Variants in SAMD12 observed in about 807,000 individuals in gnomAD.
The protein encoded by SAMD12 is sterile alpha motif domain-containing protein 12.
SAMD12 carries 9 observed loss-of-function variants against 15.0 expected under a neutral mutation model. The ratio of observed to expected loss-of-function variants is 0.60; its 90% CI spans 0.36 to 1.05. SAMD12 has a LOEUF of 1.05. SAMD12 is among the 50% of genes least tolerant of loss of function. The pLI, the probability that SAMD12 is intolerant of heterozygous loss-of-function variation, is 0.01. For missense variants in SAMD12, 230 were observed against 234.2 expected (o/e 0.98, Z 0.12); for synonymous variants, 86 against 90.1 (o/e 0.96, Z 0.25).
At chr8:118,392,036 T>C (rs1308670476) in intron 3 of SAMD12, among the ~76,000 whole-genome samples, 2 of 152,162 alleles carry the variant, frequency 1.3e-5, no homozygotes, top group Non-Finnish European at 2.9e-5. Flanking sequence ...ATAATTTACC[T>C]GTCTAGGATT....
Position 118,578,880 on chromosome 8 carries a change from G to T in SAMD12, c.192+1835C>A, listed in dbSNP as rs183918038. 3.3e-5 allele frequency among the ~76,000 whole-genome samples: 5 copies of T among 152,290 alleles called. No individual in the cohort carries two copies. In the East Asian group the frequency reaches 9.6e-4, roughly 29 times the overall value. On this transcript the variant is annotated intron_variant, in intron 2 of 3. Transcript: ENST00000314727. ...GAATCTCCTTTCAACCTCATTTGTTGGGGATGGGTGTTCACTGTAGATGAT... is the reference window on the plus strand; with the variant it reads ...GAATCTCCTTTCAACCTCATTTGTTTGGGATGGGTGTTCACTGTAGATGAT...
At chr8:118,263,660 G>A (rs1273679673) in intron 4 of SAMD12, among the ~76,000 whole-genome samples, 5 of 152,062 alleles carry the variant, frequency 3.3e-5, no homozygotes, top group Admixed American at 1.3e-4. Context: ...GGTGAAGGCC[G>A]AGCAATTACA....
At chr8:118,432,397 G>A (rs975421944) in intron 3 of SAMD12, among the ~76,000 whole-genome samples, 1 of 152,154 alleles carries the variant, frequency 6.6e-6, no homozygotes, top group African/African-American at 2.4e-5. Flanking sequence ...TAGTCCACTA[G>A]AACAAAGGAA....
chr8:118,293,513 T>G lies in SAMD12; in HGVS notation c.433+86047A>C, dbSNP rs538109732. The stretch of plus-strand genomic sequence containing the variant: ...AAACAGAAACATACAGAAGTCAATT[T>G]ATATTTGGTTTAAAAATACATGGTT... On this transcript the variant is annotated intron_variant, in intron 4 of 4. Transcript: ENST00000409003. Among the ~76,000 whole-genome samples, 5 of 152,368 alleles carry G rather than the reference T, an allele frequency of 3.3e-5. No homozygotes were observed. In the South Asian group the frequency reaches 1.0e-3, roughly 32 times the overall value.
At chr8:118,487,078 A>G (rs1824311522) in intron 2 of SAMD12, among the ~76,000 whole-genome samples, 1 of 152,150 alleles carries the variant, frequency 6.6e-6, no homozygotes, top group Non-Finnish European at 1.5e-5. Flanking sequence ...AGTAGGGCAA[A>G]GACGGGTGCA....
chr8:118,185,217 C>T (rs867948609), downstream of SAMD12, among the ~76,000 whole-genome samples: 4 of 152,174 alleles, frequency 2.6e-5, no homozygotes, highest in Middle Eastern at 3.4e-3. Flanking sequence ...TAATTATGCA[C>T]TTATTTTATT....
At chr8:118,242,073 AT>A (rs2129972666) in intron 4 of SAMD12, among the ~76,000 whole-genome samples, 1 of 152,150 alleles carries the variant, frequency 6.6e-6, no homozygotes, top group East Asian at 1.9e-4. Context: ...CCACCAAACC[AT>A]GGCTAACTTC....
chr8:118,191,809 TATAGAG>T (rs1563686639), exon 5 of SAMD12: 1 of 11,916 alleles, frequency 8.4e-5, no homozygotes, highest in African/African-American at 2.2e-4. Context: ...TATATATATA[TATAGAG>T]AGAGAGAGAG....
chr8:118,514,376 G>T (rs1004951181), intron 2 of SAMD12, among the ~76,000 whole-genome samples: 1 of 152,094 alleles, frequency 6.6e-6, no homozygotes, highest in Non-Finnish European at 1.5e-5. Flanking sequence ...TCTGGAGAAG[G>T]CCAAAAGGGG....
intron 4 of SAMD12, among the ~76,000 whole-genome samples, chr8:118,276,178 G>C (rs1412436018): frequency 1.3e-5 from 2 of 152,104 alleles, no homozygotes; most frequent in African/African-American, 4.8e-5. Context: ...CTTCTTCCTT[G>C]CATTGTTCTA....
intron 4 of SAMD12, among the ~76,000 whole-genome samples, chr8:118,318,535 C>A (rs1319134868): frequency 6.6e-6 from 1 of 151,470 alleles, no homozygotes; most frequent in South Asian, 2.1e-4. Context: ...CAGAAGCATA[C>A]AGAATGATAT....
intron 4 of SAMD12, among the ~76,000 whole-genome samples, chr8:118,283,754 G>A (rs1242463129): frequency 2.0e-5 from 3 of 152,098 alleles, no homozygotes; most frequent in Non-Finnish European, 4.4e-5. Context: ...AAACAGAATG[G>A]GCAAAGACTT....
chr8:118,611,496 G>A (rs759129421), intron 1 of SAMD12, among the ~76,000 whole-genome samples: 45 of 152,184 alleles, frequency 3.0e-4, no homozygotes, highest in Non-Finnish European at 5.4e-4. Flanking sequence ...CCCTGTCCCC[G>A]TCCCCATTTA....
At chr8:118,322,965 T>G (rs1055015908) in intron 4 of SAMD12, among the ~76,000 whole-genome samples, 1 of 152,182 alleles carries the variant, frequency 6.6e-6, no homozygotes, top group Non-Finnish European at 1.5e-5. Flanking sequence ...AATTCGAAAC[T>G]TCCCTTGAAG....
chr8:118,165,777 T>C, the SAMD12 span, among the ~76,000 whole-genome samples: 2 of 151,700 alleles, frequency 1.3e-5, no homozygotes. Context: ...GTTCACAAAA[T>C]GTTCTCTTCA....
chr8:118,382,134 A>G (rs947205540), intron 3 of SAMD12, among the ~76,000 whole-genome samples: 1 of 152,200 alleles, frequency 6.6e-6, no homozygotes, highest in Non-Finnish European at 1.5e-5. Context: ...ATCTTTATAC[A>G]TGTCATAAAC....
chr8:118,529,225 C>T (rs556755187), intron 2 of SAMD12, among the ~76,000 whole-genome samples: 4 of 152,324 alleles, frequency 2.6e-5, no homozygotes, highest in African/African-American at 9.6e-5. Flanking sequence ...TCAGAGGCCT[C>T]AGCTGCGTTT....
At chr8:118,154,805 A>T in the SAMD12 span, among the ~76,000 whole-genome samples, 1 of 152,370 alleles carries the variant, frequency 6.6e-6, no homozygotes, top group East Asian at 1.9e-4. Flanking sequence ...ATAAACACTT[A>T]AAACCTGAAC....
In SAMD12 at chr8:118,363,057, T is replaced by C. The variant is rs547716550; in HGVS notation, c.433+16503A>G. 2.0e-5 allele frequency among the ~76,000 whole-genome samples: 3 copies of C among 152,336 alleles called. No homozygotes were observed. In the East Asian group the frequency reaches 5.8e-4, roughly 29 times the overall value. On this transcript the variant is annotated intron_variant, in intron 4 of 4. Coordinates refer to the SAMD12 transcript ENST00000409003. ...TTGATAAGCAAGCTATTAAATCTTT[T>C]ATTTGAATAGTCTCAAGTGTTAATT...
Sources: gnomAD v4.1 joint callset for allele counts (sites outside exome capture counted in the v4.1 genomes callset) on GRCh38, gnomAD v4.1.1 for gene constraint, MANE v1.5 for transcripts, NCBI Gene and HGNC (gene_info 2026-07-23, HGNC 2026-07-21) for gene names.